ANO1: variants seen among roughly 807,000 people sequenced by gnomAD.
The protein encoded by ANO1 is anoctamin 1.
Under a neutral mutation model 124.0 loss-of-function variants are expected in ANO1, and 59 were observed. The ratio of observed to expected loss-of-function variants is 0.48; its 90% CI spans 0.39 to 0.59. ANO1 has a LOEUF of 0.59. Among genes scored for constraint, ANO1 ranks in the 20% least tolerant of loss-of-function variants. The pLI is 0.00. For missense variants in ANO1, 1,059 were observed against 1,328.0 expected, an observed-to-expected ratio of 0.80 and a Z score of 3.15; for synonymous variants, 529 against 532.0, an observed-to-expected ratio of 0.99 and a Z score of 0.08.
At chr11:70,026,964 T>C (rs1359825566) in intron 1 of ANO1, among the ~76,000 whole-genome samples, 1 of 152,156 alleles carries the variant, frequency 6.6e-6, no homozygotes, top group East Asian at 1.9e-4. Flanking sequence ...TGGGACACTT[T>C]TCCCCTGTAT....
chr11:70,107,451 A>AG (rs1462623713), intron 5 of ANO1, among the ~76,000 whole-genome samples: 1 of 119,342 alleles, frequency 8.4e-6, no homozygotes, highest in Non-Finnish European at 1.7e-5. Context: ...AGAGGCAGCC[A>AG]GGGGGCGGGG....
intron 1 of ANO1, among the ~76,000 whole-genome samples, chr11:69,997,655 C>A (rs552681398): frequency 2.0e-5 from 3 of 152,282 alleles, no homozygotes; most frequent in Non-Finnish European, 4.4e-5. Flanking sequence ...GGAGGAGGGG[C>A]CTGGTGGGAG....
intron 1 of ANO1, among the ~76,000 whole-genome samples, chr11:69,992,553 C>T (rs908187068): frequency 6.6e-6 from 1 of 152,168 alleles, no homozygotes; most frequent in Non-Finnish European, 1.5e-5. Context: ...GACCCTGAGA[C>T]TCAGATGCTG....
chr11:70,103,868 AC>A, intron 3 of ANO1, 130 bp from the exon 4 acceptor site: 1 of 993,976 alleles, frequency 1.0e-6, no homozygotes, highest in Non-Finnish European at 1.4e-6. Flanking sequence ...ATTCTGGCCC[AC>A]CCAGGTGCTC....
At chr11:70,120,254 C>T (rs1290858180) in intron 8 of ANO1, among the ~76,000 whole-genome samples, 1 of 151,482 alleles carries the variant, frequency 6.6e-6, no homozygotes, top group Non-Finnish European at 1.5e-5. Context: ...CACTCTTGGC[C>T]TGATCATGGG....
At chr11:70,086,879 G>A (rs2044409160) in intron 1 of ANO1, among the ~76,000 whole-genome samples, 1 of 152,176 alleles carries the variant, frequency 6.6e-6, no homozygotes, top group Non-Finnish European at 1.5e-5. Context: ...CCTCTGCTCA[G>A]GCTCTGTTTG....
chr11:69,996,743 A>C (rs1425967843), intron 1 of ANO1, among the ~76,000 whole-genome samples: 1 of 152,332 alleles, frequency 6.6e-6, no homozygotes, highest in South Asian at 2.1e-4. Context: ...CCAAATACCA[A>C]GTCAGATGAG....
intron 2 of ANO1, among the ~76,000 whole-genome samples, chr11:70,099,524 G>A (rs1024589471): frequency 6.6e-6 from 1 of 152,140 alleles, no homozygotes; most frequent in Admixed American, 6.5e-5. Context: ...AACAAGAAAA[G>A]ACAGGCTCTC....
intron 1 of ANO1, among the ~76,000 whole-genome samples, chr11:70,026,256 T>C (rs1856905572): frequency 6.6e-6 from 1 of 150,406 alleles, no homozygotes; most frequent in South Asian, 2.1e-4. Flanking sequence ...ATGACAATGA[T>C]GATGATGATG....
intron 1 of ANO1, among the ~76,000 whole-genome samples, chr11:70,068,200 G>T (rs1252931248): frequency 1.3e-5 from 2 of 152,184 alleles, no homozygotes; most frequent in African/African-American, 4.8e-5. Flanking sequence ...CTCCATCCTT[G>T]CCCCTAGGGA....
chr11:70,122,693 A>C (rs1157821014), intron 8 of ANO1, among the ~76,000 whole-genome samples: 1,071 of 108,632 alleles, frequency 9.9e-3, no homozygotes, highest in East Asian at 0.01. Flanking sequence ...CCTCTCCCCT[A>C]CCTCTCTCTG....
At chr11:69,982,390 A>T (rs558951685), upstream of ANO1, among the ~76,000 whole-genome samples, 42 of 151,752 alleles carry the variant, frequency 2.8e-4, no homozygotes, top group Non-Finnish European at 4.7e-4. Flanking sequence ...CACCTTGAAA[A>T]ACCCACCCAC....
intron 8 of ANO1, among the ~76,000 whole-genome samples, chr11:70,121,020 A>G (rs2046240693): frequency 6.6e-6 from 1 of 152,128 alleles, no homozygotes; most frequent in Admixed American, 6.5e-5. Flanking sequence ...CTTGGCAGAA[A>G]GAAAAGTCCA....
At chr11:70,156,411 A>G (rs1298480074) in intron 15 of ANO1, among the ~76,000 whole-genome samples, 3 of 152,234 alleles carry the variant, frequency 2.0e-5, no homozygotes, top group South Asian at 2.1e-4. Flanking sequence ...GCTTCTACCT[A>G]GGGTTTCTCC....
chr11:69,973,279 T>A, the ANO1 span, among the ~76,000 whole-genome samples: 1 of 152,206 alleles, frequency 6.6e-6, no homozygotes, highest in Non-Finnish European at 1.5e-5. Flanking sequence ...TGGCATGATA[T>A]ATTTGCTTAT....
intron 1 of ANO1, among the ~76,000 whole-genome samples, chr11:70,047,383 G>A (rs1183110128): frequency 1.3e-5 from 2 of 152,050 alleles, no homozygotes; most frequent in African/African-American, 4.8e-5. Context: ...AAGAATTATG[G>A]CTACAATAGA....
At chr11:70,065,984 C>T (rs1320541855) in intron 1 of ANO1, among the ~76,000 whole-genome samples, 1 of 152,212 alleles carries the variant, frequency 6.6e-6, no homozygotes, top group Non-Finnish European at 1.5e-5. Flanking sequence ...TCTGATATTC[C>T]TGTGTATGCA....
At chr11:70,105,912 A>G in intron 5 of ANO1, 124 bp downstream of exon 5, 1 of 1,056,560 alleles carries the variant, frequency 9.5e-7, no homozygotes. Flanking sequence ...TGACAGAAAT[A>G]ATTAGAATAA....
chr11:70,041,920 A>G (rs72939639), intron 1 of ANO1, among the ~76,000 whole-genome samples: 35,433 of 152,078 alleles, frequency 0.23, 4,385 homozygotes, highest in East Asian at 0.46. Flanking sequence ...CCAACATACC[A>G]TCAGCAATAA....
Sources: gnomAD v4.1 joint callset for allele counts (sites outside exome capture counted in the v4.1 genomes callset) on GRCh38, gnomAD v4.1.1 for gene constraint, MANE v1.5 for transcripts, NCBI Gene and HGNC (gene_info 2026-07-23, HGNC 2026-07-21) for gene names.